The following PARD3 variants were observed in gnomAD, a reference collection of about 807,000 sequenced individuals.
The protein encoded by PARD3 is partitioning defective 3 homolog.
A neutral mutation model predicts 155.4 loss-of-function variants in PARD3; 75 were observed. The observed-to-expected ratio is 0.48, with a 90% CI of 0.40 to 0.58. PARD3 has a LOEUF of 0.58. Ranked by LOEUF, PARD3 falls within the 20% of genes least tolerant of loss-of-function variation. The pLI is 0.00. For missense variants in PARD3, 1,642 were observed against 1,721.7 expected, an observed-to-expected ratio of 0.95 and a Z score of 0.82; for synonymous variants, 576 against 610.5, an observed-to-expected ratio of 0.94 and a Z score of 0.83.
intron 15 of PARD3, chr10:34,345,949 T>C (rs1257482157): frequency 2.0e-6 from 2 of 983,056 alleles, no homozygotes; most frequent in Admixed American, 6.1e-5. Flanking sequence ...GGTAAAACTA[T>C]TTAGAATCCC....
At chr10:34,239,777 T>TG (rs1182755625) in intron 22 of PARD3, among the ~76,000 whole-genome samples, 1 of 145,902 alleles carries the variant, frequency 6.9e-6, no homozygotes, top group Non-Finnish European at 1.5e-5. Flanking sequence ...CATTCTAGCC[T>TG]GGGCAATGGA....
intron 2 of PARD3, among the ~76,000 whole-genome samples, chr10:34,695,823 G>T (rs966447379): frequency 6.6e-6 from 1 of 151,744 alleles, no homozygotes; most frequent in Admixed American, 6.6e-5. Context: ...AGCTTCCTGA[G>T]GGCCAGGCCC....
intron 1 of PARD3, among the ~76,000 whole-genome samples, chr10:34,759,584 G>A (rs1054652282): frequency 6.6e-6 from 1 of 152,232 alleles, no homozygotes; most frequent in Non-Finnish European, 1.5e-5. Context: ...AAGTAAAAGA[G>A]AGCAAAGAAA....
At chr10:34,372,065 C>T (rs188867134) in intron 12 of PARD3, among the ~76,000 whole-genome samples, 90 of 152,238 alleles carry the variant, frequency 5.9e-4, no homozygotes, top group Admixed American at 1.2e-3. Flanking sequence ...AATACTGACA[C>T]GTCACTTTAA....
intron 22 of PARD3, among the ~76,000 whole-genome samples, chr10:34,219,495 C>T (rs1952172095): frequency 6.6e-6 from 1 of 152,170 alleles, no homozygotes; most frequent in South Asian, 2.1e-4. Context: ...CTTCATGCAC[C>T]TGGTGATTTT....
intron 21 of PARD3, among the ~76,000 whole-genome samples, chr10:34,270,511 T>C (rs901742172): frequency 6.6e-6 from 1 of 152,216 alleles, no homozygotes; most frequent in African/African-American, 2.4e-5. Context: ...GAACAGATCA[T>C]TTCTGGCATC....
intron 2 of PARD3, among the ~76,000 whole-genome samples, chr10:34,692,236 A>C (rs1421805018): frequency 6.9e-6 from 1 of 145,728 alleles, no homozygotes; most frequent in Non-Finnish European, 1.5e-5. Context: ...TCATTTCAAA[A>C]AAAAAAAAAA....
chr10:34,117,671 G>T (rs527644629), intron 24 of PARD3, among the ~76,000 whole-genome samples: 4 of 152,154 alleles, frequency 2.6e-5, no homozygotes, highest in Non-Finnish European at 4.4e-5. Context: ...CAGCACTTTG[G>T]GGGGCTAAGG....
intron 5 of PARD3, among the ~76,000 whole-genome samples, chr10:34,413,140 TATATACACACACACAC>T (rs1845272117): frequency 8.8e-6 from 1 of 113,794 alleles, no homozygotes; most frequent in African/African-American, 3.2e-5. Context: ...ACTTCAGATA[TATATACACACACACAC>T]ACACACACAC....
rs1590250052 is a variant in PARD3 at position 34,617,817 on chromosome 10, G to A, written c.222+78501C>T. 2.0e-5 allele frequency among the ~76,000 whole-genome samples: 3 copies of A among 151,982 alleles called. No homozygotes were observed. The South Asian group carries it at 6.2e-4, about 32-fold the overall frequency. ...GGGATGCCTCCTTCAAGGAATAAAG[G>A]GCTACACTCTAGGGGCTCAGCCTAG... On this transcript the variant is annotated intron_variant, in intron 2 of 24. Transcript: ENST00000374788.
At chr10:34,739,392 G>C (rs1051657581) in intron 1 of PARD3, among the ~76,000 whole-genome samples, 2 of 152,170 alleles carry the variant, frequency 1.3e-5, no homozygotes, top group African/African-American at 4.8e-5. Flanking sequence ...GCACCAGAGG[G>C]CTGTTCAAGA....
intron 10 of PARD3, among the ~76,000 whole-genome samples, chr10:34,376,392 A>G (rs1232123225): frequency 6.6e-6 from 1 of 152,224 alleles, no homozygotes; most frequent in Non-Finnish European, 1.5e-5. Flanking sequence ...TTTAGAAAGA[A>G]AGACGGAGAG....
rs1001622081 is a variant in PARD3 at position 34,348,050 on chromosome 10, T to C, written c.2133A>G (p.Glu711=). Residue 711 remains glutamate, a synonymous_variant, in exon 15 of 25, where the codon GAA becomes GAG. Coordinates refer to ENST00000374788, the MANE Select transcript of PARD3 (RefSeq NM_001184785.2). The stretch of plus-strand genomic sequence containing the variant: ...TGTAGAGGGAATGGGAAATTCTTCG[T>C]TCTCTATCATCCAACGCTGTTTCAA... ...LPIETALDDR[E]RRISHSLYSG... The C allele has an allele frequency of 1.2e-6, 2 of 1,613,362 alleles. No homozygotes were observed. The highest frequency in any genetic ancestry group is 1.7e-6 in the Non-Finnish European group (2 of 1,179,692).
chr10:34,626,565 A>G (rs1052828465), intron 2 of PARD3, among the ~76,000 whole-genome samples: 1 of 152,224 alleles, frequency 6.6e-6, no homozygotes, highest in African/African-American at 2.4e-5. Context: ...GGCATTACAT[A>G]ATCTCTGAAA....
chr10:34,132,502 T>G (rs915528943), intron 22 of PARD3, among the ~76,000 whole-genome samples: 1 of 152,214 alleles, frequency 6.6e-6, no homozygotes, highest in African/African-American at 2.4e-5. Context: ...GTAAAACATG[T>G]ATCAGGCTCC....
intron 20 of PARD3, among the ~76,000 whole-genome samples, chr10:34,316,541 T>A (rs1958015643): frequency 6.6e-6 from 1 of 152,230 alleles, no homozygotes; most frequent in Admixed American, 6.5e-5. Context: ...TAACTTTTTT[T>A]ATTAGACTTG....
intron 22 of PARD3, among the ~76,000 whole-genome samples, chr10:34,198,561 A>T (rs1292910529): frequency 6.6e-6 from 1 of 151,750 alleles, no homozygotes; most frequent in Admixed American, 6.6e-5. Flanking sequence ...TGGGGTCATT[A>T]TTATTTTTTC....
intron 4 of PARD3, among the ~76,000 whole-genome samples, chr10:34,459,138 A>C (rs1188965544): frequency 1.3e-5 from 2 of 152,184 alleles, no homozygotes; most frequent in Admixed American, 6.5e-5. Context: ...CTTAACTTTG[A>C]AGGCAAGAAA....
chr10:34,284,093 A>T (rs1956277298), intron 21 of PARD3, 42 bp downstream of exon 21: 3 of 1,053,154 alleles, frequency 2.8e-6, no homozygotes, highest in Admixed American at 2.4e-5. Flanking sequence ...AAAAAAAAAG[A>T]ACCTCTTTCT....
Sources: gnomAD v4.1 joint callset for allele counts (sites outside exome capture counted in the v4.1 genomes callset) on GRCh38, gnomAD v4.1.1 for gene constraint, MANE v1.5 for transcripts, NCBI Gene and HGNC (gene_info 2026-07-23, HGNC 2026-07-21) for gene names.